The following OSBPL5 variants were observed in gnomAD, a reference collection of about 807,000 sequenced individuals.
OSBPL5 encodes the protein oxysterol-binding protein-related protein 5.
OSBPL5 carries 71 observed loss-of-function variants against 111.2 expected under a neutral mutation model. The ratio of observed to expected loss-of-function variants is 0.64; its 90% CI spans 0.53 to 0.78. OSBPL5 has a LOEUF of 0.78. Ranked by LOEUF, OSBPL5 falls within the 30% of genes least tolerant of loss-of-function variation. The pLI, the probability that OSBPL5 is intolerant of heterozygous loss-of-function variation, is 0.00. For missense variants in OSBPL5, 1,210 were observed against 1,189.3 expected (o/e 1.02, Z -0.26); for synonymous variants, 549 against 513.9 (o/e 1.07, Z -0.93).
intron 7 of OSBPL5, among the ~76,000 whole-genome samples, chr11:3,111,894 G>A (rs1403032682): frequency 6.6e-6 from 1 of 152,098 alleles, no homozygotes; most frequent in Non-Finnish European, 1.5e-5. Context: ...GATTTAAAAA[G>A]ATTTTTTCAA....
rs1381389550 is a variant in OSBPL5 at position 3,162,340 on chromosome 11, C to T, written c.-22+2876G>A. Among the ~76,000 whole-genome samples the T allele has an allele frequency of 6.6e-6, 1 of 151,956 alleles. No individual in the cohort carries two copies. The highest frequency in any genetic ancestry group is 1.5e-5 in the Non-Finnish European group (1 of 67,980). ...TCAGCCTGGGTGGCTCTGAGATTTG[C>T]AACAAAGGCCCTCTAGGAATTCTGG... On this transcript the variant is annotated intron_variant, in intron 1 of 21. Coordinates refer to ENST00000263650, the MANE Select transcript of OSBPL5 (RefSeq NM_020896.4). The surrounding 1 kb of genome is among the most constrained non-coding windows in gnomAD (Gnocchi z 8.1).
At chr11:3,122,242 G>T in intron 4 of OSBPL5, 106 bp downstream of exon 4, 1 of 1,367,334 alleles carries the variant, frequency 7.3e-7, no homozygotes, top group Non-Finnish European at 1.0e-6. Flanking sequence ...GCGACCAGGT[G>T]CGGTTTGTCC....
At chr11:3,098,576 GCTCA>G (rs1014477500) in intron 14 of OSBPL5, among the ~76,000 whole-genome samples, 7 of 135,750 alleles carry the variant, frequency 5.2e-5, no homozygotes, top group Non-Finnish European at 1.1e-4. Context: ...CATGATCTCA[GCTCA>G]CTGCATCCTT....
At chr11:3,093,291 C>T in intron 17 of OSBPL5, 1 of 772,910 alleles carries the variant, frequency 1.3e-6, no homozygotes, top group Non-Finnish European at 2.0e-6. Flanking sequence ...CTGTTGGTCA[C>T]TCGCCGGCAG....
Position 3,104,846 on chromosome 11 carries a change from C to T in OSBPL5, c.1060-469G>A, listed in dbSNP as rs972256410. ...CATTTCTTTTTCTGTTTTTGAACCA[C>T]TTTATTGAGGTCTGATTGATATACA... On this transcript the variant is annotated intron_variant, in intron 9 of 21. Coordinates refer to ENST00000263650, the MANE Select transcript of OSBPL5 (RefSeq NM_020896.4). This position sits in a 1 kb window ranked among gnomAD's most constrained non-coding sequence, Gnocchi z 5.0. Among the ~76,000 whole-genome samples, 7 of 152,148 alleles carry T rather than the reference C, an allele frequency of 4.6e-5. No individual in the cohort carries two copies.
At position 3,154,328 on chromosome 11, in the gene OSBPL5, A is replaced by G. The variant is rs929776607; in HGVS notation, c.-22+10888T>C. Reference sequence around the variant, plus strand: ...TTGCTGACCCCAAACATGCCGAGTCACCCACATCCTGGCCTCCCCGCCCAC... The same window carrying G: ...TTGCTGACCCCAAACATGCCGAGTCGCCCACATCCTGGCCTCCCCGCCCAC... On this transcript the variant is annotated intron_variant, in intron 1 of 21. Coordinates refer to ENST00000263650, the MANE Select transcript of OSBPL5 (RefSeq NM_020896.4). The surrounding 1 kb of genome is among the most constrained non-coding windows in gnomAD (Gnocchi z 4.9). Among the ~76,000 whole-genome samples, 18 of 152,192 alleles carry G rather than the reference A, an allele frequency of 1.2e-4. No individual in the cohort carries two copies. The highest frequency in any genetic ancestry group is 3.4e-4 in the African/African-American group (14 of 41,466).
At chr11:3,125,005 T>C (rs1327737607) in intron 3 of OSBPL5, among the ~76,000 whole-genome samples, 3 of 152,212 alleles carry the variant, frequency 2.0e-5, no homozygotes, top group Non-Finnish European at 4.4e-5. Context: ...CCCTTGGGTC[T>C]GGTCACTGCA....
chr11:3,108,165 G>A (rs17178796), intron 7 of OSBPL5, among the ~76,000 whole-genome samples: 15,844 of 152,176 alleles, frequency 0.1, 995 homozygotes, highest in Non-Finnish European at 0.14. Flanking sequence ...GAACCCCTGA[G>A]GATTGAGGAC....
chr11:3,122,511 T>C, intron 3 of OSBPL5, 83 bp from the exon 4 acceptor site: 4 of 1,292,356 alleles, frequency 3.1e-6, no homozygotes, highest in Admixed American at 2.0e-5. Flanking sequence ...ATGCCAAGGA[T>C]ATGAGGGCAG....
intron 13 of OSBPL5, among the ~76,000 whole-genome samples, chr11:3,101,044 G>C (rs183868475): frequency 1.4e-5 from 2 of 143,406 alleles, no homozygotes; most frequent in Non-Finnish European, 3.0e-5. Flanking sequence ...GCACCATCTT[G>C]GCTCACTGCA....
At position 3,106,193 on chromosome 11, in the gene OSBPL5, G is replaced by A. The variant is rs1005623625; in HGVS notation, c.1059+1070C>T. ...GTTCCACTGAACACAAGGATTTCAC[G>A]GACCACGGAGGAGCCCCCTCTGTCC... On this transcript the variant is annotated intron_variant, in intron 9 of 21. Coordinates refer to ENST00000263650, the MANE Select transcript of OSBPL5 (RefSeq NM_020896.4). The surrounding 1 kb of genome is among the most constrained non-coding windows in gnomAD (Gnocchi z 8.4). Among the ~76,000 whole-genome samples, 9 of 152,024 alleles carry A rather than the reference G, an allele frequency of 5.9e-5. No individual in the cohort carries two copies. The highest frequency in any genetic ancestry group is 1.9e-4 in the African/African-American group (8 of 41,382).
chr11:3,132,009 G>GCATCCATCCATCCATCCATCCATCCATC (rs57904462), intron 1 of OSBPL5, among the ~76,000 whole-genome samples: 1 of 40,126 alleles, frequency 2.5e-5, no homozygotes, highest in Non-Finnish European at 4.5e-5. Context: ...TCCCTTTCAG[G>GCATCCATCCATCCATCCATCCATCCATC]CATCCATCCA....
chr11:3,133,009 C>T (rs1397343279), intron 1 of OSBPL5, among the ~76,000 whole-genome samples: 1 of 152,212 alleles, frequency 6.6e-6, no homozygotes, highest in Non-Finnish European at 1.5e-5. Flanking sequence ...GGGTGCCTGC[C>T]TGCCTCCCCA....
intron 7 of OSBPL5, among the ~76,000 whole-genome samples, chr11:3,114,598 T>C (rs1858142325): frequency 1.4e-5 from 2 of 139,498 alleles, no homozygotes; most frequent in African/African-American, 5.5e-5. Context: ...ATGATTTTTT[T>C]TTTTTTTTTT....
intron 1 of OSBPL5, among the ~76,000 whole-genome samples, chr11:3,164,708 C>T (rs1046743237): frequency 6.6e-6 from 1 of 152,218 alleles, no homozygotes; most frequent in Non-Finnish European, 1.5e-5. Context: ...ACACAGCAGT[C>T]CTCCCAAGCC....
In OSBPL5 at chr11:3,093,752, G is replaced by A. The variant is rs556753996; in HGVS notation, c.1803C>T (p.Gly601=). 76 of 1,613,076 alleles carry A rather than the reference G, an allele frequency of 4.7e-5. 1 individual carries two copies. In the South Asian group the frequency reaches 8.0e-4, roughly 17 times the overall value. ...SGEEVLASLS[G]HWDRDVFIKE... is the part of the protein sequence containing the mutation. The stretch of plus-strand genomic sequence containing the variant: ...CTGAGGGACGGCCCCTTACCCAGTG[G>A]CCACTGAGGCTCGCCAGGACTTCCT... Residue 601 remains glycine, a synonymous_variant, in exon 16 of 22, where the codon GGC becomes GGT. Transcript: ENST00000263650.
In OSBPL5 at chr11:3,110,060, G is replaced by A. The variant is rs16929118; in HGVS notation, c.692-2115C>T. Among the ~76,000 whole-genome samples the A allele has an allele frequency of 0.039, 5,881 of 152,212 alleles. 390 individuals carry two copies. The highest frequency in any genetic ancestry group is 0.13 in the African/African-American group (5,551 of 41,496). The stretch of plus-strand genomic sequence containing the variant: ...CCCTGGCCATCCCCGGGCCTGCATG[G>A]GACCTGGCACATAGTGGGGCACTCA... On this transcript the variant is annotated intron_variant, in intron 7 of 21. Coordinates refer to ENST00000263650, the MANE Select transcript of OSBPL5 (RefSeq NM_020896.4). This position sits in a 1 kb window ranked among gnomAD's most constrained non-coding sequence, Gnocchi z 5.3.
chr11:3,120,400 A>C, intron 6 of OSBPL5, 21 bp downstream of exon 6: 4 of 1,605,468 alleles, frequency 2.5e-6, no homozygotes, highest in Non-Finnish European at 3.4e-6. Flanking sequence ...CTCTGTCTTC[A>C]ACCCCACCCC....
At chr11:3,128,107 G>A (rs1858697692) in intron 2 of OSBPL5, among the ~76,000 whole-genome samples, 1 of 152,258 alleles carries the variant, frequency 6.6e-6, no homozygotes. Context: ...AGCACCTTCA[G>A]CAAGGCCACC....
Sources: allele counts gnomAD v4.1 joint callset (sites outside exome capture counted in the v4.1 genomes callset), GRCh38; gene constraint gnomAD v4.1.1; non-coding constraint Gnocchi (gnomAD v3.1); transcripts MANE v1.5; gene names NCBI Gene and HGNC (gene_info 2026-07-23, HGNC 2026-07-21).